Variants in TTBK2 observed in about 807,000 individuals in gnomAD.
The protein encoded by TTBK2 is tau tubulin kinase 2, also known as tau-tubulin kinase 2.
Under a neutral mutation model 110.8 loss-of-function variants are expected in TTBK2, and 28 were observed. The observed-to-expected ratio is 0.25, with a 90% CI of 0.19 to 0.35. The LOEUF (loss-of-function observed/expected upper bound fraction) is 0.35. Ranked by LOEUF, TTBK2 falls within the 10% of genes least tolerant of loss-of-function variation. The pLI, the probability that TTBK2 is intolerant of heterozygous loss-of-function variation, is 1.00. For synonymous variants in TTBK2, 532 were observed against 527.3 expected (o/e 1.01, Z -0.12); for missense variants, 1,369 against 1,500.3 (o/e 0.91, Z 1.45).
Position 42,753,058 on chromosome 15 carries a change from A to T in TTBK2, c.2188T>A (p.Leu730Met). 1.2e-6 allele frequency: 2 copies of T among 1,612,508 alleles called. No individual in the cohort carries two copies. ...EPPSGGSRTD[L>M]GLQIDHIGHD... ...CCAATGTGATCTATCTGAAGCCCCA[A>T]ATCTGTTCTGCTTCCTCCACTAGGA... Residue 730 changes from leucine (L) to methionine (M), a missense_variant, in exon 14 of 15, where the codon TTG (leucine) becomes ATG (methionine). This residue lies in a region of TTBK2 where 1,097 missense variants were observed against 1,114.7 expected (regional missense o/e 0.98). Transcript: ENST00000267890.
intron 1 of TTBK2, among the ~76,000 whole-genome samples, chr15:42,916,509 T>C (rs1260163361): frequency 2.0e-5 from 3 of 152,142 alleles, no homozygotes; most frequent in Non-Finnish European, 4.4e-5. Context: ...CTATTTTTAG[T>C]TGGGATGCGG....
At chr15:42,889,647 T>C (rs757503316) in intron 1 of TTBK2, among the ~76,000 whole-genome samples, 1 of 152,182 alleles carries the variant, frequency 6.6e-6, no homozygotes, top group African/African-American at 2.4e-5. Flanking sequence ...AATATCTATT[T>C]TTCTCCTTCT....
chr15:42,904,898 G>T (rs2030290248), intron 1 of TTBK2, among the ~76,000 whole-genome samples: 1 of 151,080 alleles, frequency 6.6e-6, no homozygotes, highest in African/African-American at 2.4e-5. Flanking sequence ...TTGACGCAGG[G>T]TCTTACTCTG....
intron 13 of TTBK2, among the ~76,000 whole-genome samples, chr15:42,773,601 C>T (rs1192293829): frequency 6.6e-6 from 1 of 152,074 alleles, no homozygotes; most frequent in Non-Finnish European, 1.5e-5. Context: ...AATAGGACAG[C>T]GTCGAGAGAG....
chr15:42,778,540 C>T (rs983513462), intron 11 of TTBK2, among the ~76,000 whole-genome samples: 3 of 152,068 alleles, frequency 2.0e-5, no homozygotes, highest in Non-Finnish European at 2.9e-5. Context: ...TGGTGGCACA[C>T]GCCTGTAATC....
At chr15:42,901,924 C>T (rs770879909) in intron 1 of TTBK2, among the ~76,000 whole-genome samples, 3 of 152,056 alleles carry the variant, frequency 2.0e-5, no homozygotes, top group African/African-American at 4.8e-5. Context: ...CAAATCAAAA[C>T]CACAATGAGG....
chr15:42,801,259 T>C (rs750159569), intron 9 of TTBK2: 1 of 1,543,560 alleles, frequency 6.5e-7, no homozygotes, highest in Non-Finnish European at 8.8e-7. Context: ...GCGATCTTGA[T>C]ATCCAGGGCC....
intron 3 of TTBK2, among the ~76,000 whole-genome samples, chr15:42,845,828 A>G (rs1289832222): frequency 6.6e-6 from 1 of 152,088 alleles, no homozygotes; most frequent in East Asian, 1.9e-4. Flanking sequence ...AGCCTACTAC[A>G]TGCCTAGGCC....
intron 3 of TTBK2, among the ~76,000 whole-genome samples, chr15:42,867,207 C>G (rs1894408826): frequency 1.4e-5 from 2 of 148,146 alleles, no homozygotes; most frequent in Admixed American, 1.4e-4. Context: ...CATCGCACCA[C>G]TGCACTCCAG....
At chr15:42,858,449 C>A (rs1385255422) in intron 3 of TTBK2, among the ~76,000 whole-genome samples, 1 of 152,054 alleles carries the variant, frequency 6.6e-6, no homozygotes, top group East Asian at 1.9e-4. Flanking sequence ...AATGCTGATG[C>A]TTATTAAGAC....
chr15:42,834,013 A>AAAAAAC (rs1555429681), intron 4 of TTBK2, among the ~76,000 whole-genome samples: 2 of 151,766 alleles, frequency 1.3e-5, no homozygotes, highest in African/African-American at 4.9e-5. Context: ...TCTGTCTCAA[A>AAAAAAC]AAAACAAAAC....
At chr15:42,762,120 G>A (rs993264280) in intron 13 of TTBK2, among the ~76,000 whole-genome samples, 25 of 152,206 alleles carry the variant, frequency 1.6e-4, no homozygotes, top group African/African-American at 6.0e-4. Flanking sequence ...ATGTGGAACT[G>A]TAAGTCCAAT....
chr15:42,822,557 T>TAGAGAG (rs1892349070), intron 6 of TTBK2, among the ~76,000 whole-genome samples: 1 of 151,986 alleles, frequency 6.6e-6, no homozygotes, highest in African/African-American at 2.4e-5. Context: ...CTGTTGGTGT[T>TAGAGAG]AGAGAAACAA....
At chr15:42,781,712 T>C (rs1890186246) in intron 11 of TTBK2, among the ~76,000 whole-genome samples, 1 of 152,192 alleles carries the variant, frequency 6.6e-6, no homozygotes, top group African/African-American at 2.4e-5. Context: ...TGTCACTGAT[T>C]ACTAGATTAA....
chr15:42,838,757 A>G (rs1893098385), intron 4 of TTBK2, among the ~76,000 whole-genome samples: 1 of 152,088 alleles, frequency 6.6e-6, no homozygotes, highest in South Asian at 2.1e-4. Flanking sequence ...CGGAGGTTTC[A>G]GTGAGCCAAG....
chr15:42,919,395 A>G (rs374999989), intron 1 of TTBK2, among the ~76,000 whole-genome samples: 6 of 152,320 alleles, frequency 3.9e-5, no homozygotes, highest in African/African-American at 1.4e-4. Flanking sequence ...CCATTTAGCC[A>G]AAGGTACACA....
rs2140758730 is a variant in TTBK2, at chr15:42,775,540, G to A, written c.1593C>T (p.Gly531=). 6.2e-7 allele frequency: 1 copy of A among 1,614,140 alleles called. No homozygotes were observed. The highest frequency in any genetic ancestry group is 8.5e-7 in the Non-Finnish European group (1 of 1,180,040). ...GGTTAACAGCTATAAATCCATTGCT[G>A]CCACCACCATCTGCCTGCTCAGGGG... is the stretch of plus-strand genomic sequence containing the variant. The part of the protein sequence containing the change: ...ANTPEQADGG[G]SNGFIAVNLS... The change falls in exon 13 of 15, where the codon GGC becomes GGT. Residue 531 remains glycine, a synonymous_variant. Coordinates refer to ENST00000267890, the MANE Select transcript of TTBK2 (RefSeq NM_173500.4).
At chr15:42,895,838 T>C (rs1033150864) in intron 1 of TTBK2, among the ~76,000 whole-genome samples, 1 of 151,420 alleles carries the variant, frequency 6.6e-6, no homozygotes, top group Admixed American at 6.6e-5. Flanking sequence ...CACCTGGCCA[T>C]CAAAAAGATT....
chr15:42,808,983 T>C (rs565126354), intron 9 of TTBK2, among the ~76,000 whole-genome samples: 1 of 152,314 alleles, frequency 6.6e-6, no homozygotes, highest in East Asian at 1.9e-4. Context: ...AGATTAAAAG[T>C]AGAGTTATTT....
Sources: gnomAD v4.1 joint callset for allele counts (sites outside exome capture counted in the v4.1 genomes callset) on GRCh38, gnomAD v4.1.1 for gene constraint, gnomAD v4.1.1 regional missense constraint, MANE v1.5 for transcripts, NCBI Gene and HGNC (gene_info 2026-07-23, HGNC 2026-07-21) for gene names.